THSD7A: variants seen among roughly 807,000 people sequenced by gnomAD.
THSD7A encodes the protein thrombospondin type 1 domain containing 7A.
Under a neutral mutation model 231.3 loss-of-function variants are expected in THSD7A, and 96 were observed. The observed-to-expected ratio is 0.41, with a 90% CI of 0.35 to 0.49. The LOEUF is 0.49. Ranked by LOEUF, THSD7A falls within the 20% of genes least tolerant of loss-of-function variation. THSD7A has a pLI of 0.05. For missense variants in THSD7A, 2,290 were observed against 2,070.2 expected (o/e 1.11, Z -2.06); for synonymous variants, 940 against 743.3 (o/e 1.26, Z -4.30).
At chr7:11,728,191 A>G (rs896001473) in intron 1 of THSD7A, among the ~76,000 whole-genome samples, 3 of 151,990 alleles carry the variant, frequency 2.0e-5, no homozygotes, top group Admixed American at 2.0e-4. Flanking sequence ...TATCTAGAAA[A>G]TAAGAACTAC....
intron 24 of THSD7A, 49 bp downstream of exon 24, chr7:11,382,472 G>A (rs1376244117): frequency 1.4e-6 from 2 of 1,396,488 alleles, no homozygotes; most frequent in Non-Finnish European, 2.0e-6. Context: ...CCAATCACAT[G>A]TGTGTTACAG....
chr7:11,796,199 GC>G (rs1194969690), intron 1 of THSD7A, among the ~76,000 whole-genome samples: 4 of 150,016 alleles, frequency 2.7e-5, no homozygotes, highest in Non-Finnish European at 4.4e-5. Context: ...TGTGTATATT[GC>G]TTTAATATAT....
intron 6 of THSD7A, among the ~76,000 whole-genome samples, chr7:11,539,588 T>G (rs1266012169): frequency 6.6e-6 from 1 of 152,202 alleles, no homozygotes; most frequent in Non-Finnish European, 1.5e-5. Context: ...CTCTGCTTGT[T>G]TTTTAGTGTT....
At chr7:11,530,091 C>T (rs556504133) in intron 6 of THSD7A, among the ~76,000 whole-genome samples, 6 of 152,124 alleles carry the variant, frequency 3.9e-5, no homozygotes, top group Admixed American at 6.6e-5. Flanking sequence ...CTGCAATGAC[C>T]GGTCTCCAGA....
chr7:11,610,128 T>C (rs1780872912), intron 2 of THSD7A, among the ~76,000 whole-genome samples: 1 of 152,154 alleles, frequency 6.6e-6, no homozygotes, highest in Middle Eastern at 3.2e-3. Flanking sequence ...TTAATAACTT[T>C]TTTAGTAGTA....
At chr7:11,780,819 G>T (rs1031982564) in intron 1 of THSD7A, among the ~76,000 whole-genome samples, 1 of 151,464 alleles carries the variant, frequency 6.6e-6, no homozygotes, top group Admixed American at 6.6e-5. Flanking sequence ...GTGAAACCCC[G>T]TCTCTACTAA....
chr7:11,696,600 C>T (rs1338680800), intron 1 of THSD7A, among the ~76,000 whole-genome samples: 4 of 151,128 alleles, frequency 2.6e-5, no homozygotes, highest in African/African-American at 9.7e-5. Flanking sequence ...CCCCTCCCCC[C>T]GACAGGCCCC....
chr7:11,600,992 C>T (rs1390875781), intron 2 of THSD7A, among the ~76,000 whole-genome samples: 1 of 152,144 alleles, frequency 6.6e-6, no homozygotes, highest in African/African-American at 2.4e-5. Context: ...TACTCAGTGT[C>T]ATGTATTGAT....
At chr7:11,426,420 T>C (rs538402588) in intron 15 of THSD7A, among the ~76,000 whole-genome samples, 33 of 152,258 alleles carry the variant, frequency 2.2e-4, no homozygotes, top group African/African-American at 7.5e-4. Flanking sequence ...AAACTTGTTC[T>C]CCCCAACTCT....
intron 23 of THSD7A, among the ~76,000 whole-genome samples, chr7:11,400,380 A>G (rs1167372219): frequency 3.3e-5 from 5 of 152,154 alleles, no homozygotes; most frequent in Non-Finnish European, 7.4e-5. Context: ...CCTTCTGTAG[A>G]AGCGTTTAAA....
At chr7:11,736,672 A>C (rs961125938) in intron 1 of THSD7A, among the ~76,000 whole-genome samples, 1 of 152,026 alleles carries the variant, frequency 6.6e-6, no homozygotes, top group Non-Finnish European at 1.5e-5. Flanking sequence ...ATAAAGGGCT[A>C]AGCATACCCT....
chr7:11,767,608 T>C (rs1783068825), intron 1 of THSD7A, among the ~76,000 whole-genome samples: 1 of 152,212 alleles, frequency 6.6e-6, no homozygotes. Context: ...TTATATAGTA[T>C]TTTCATTTTA....
chr7:11,536,959 A>G (rs1212010449), intron 6 of THSD7A, among the ~76,000 whole-genome samples: 2 of 152,156 alleles, frequency 1.3e-5, no homozygotes, highest in Admixed American at 6.5e-5. Flanking sequence ...CAGTTTATAT[A>G]TTGCATACAA....
At chr7:11,800,612 G>C (rs1227247618) in intron 1 of THSD7A, among the ~76,000 whole-genome samples, 1 of 152,152 alleles carries the variant, frequency 6.6e-6, no homozygotes, top group Non-Finnish European at 1.5e-5. Flanking sequence ...ATTATGCTAA[G>C]TGAAATAAGC....
intron 1 of THSD7A, among the ~76,000 whole-genome samples, chr7:11,696,687 C>T (rs1195952859): frequency 1.3e-5 from 2 of 151,072 alleles, no homozygotes; most frequent in Non-Finnish European, 3.0e-5. Context: ...TTACAAGGGA[C>T]ATAAAACATG....
intron 9 of THSD7A, among the ~76,000 whole-genome samples, chr7:11,464,336 T>C (rs1417141470): frequency 2.0e-5 from 3 of 152,044 alleles, no homozygotes; most frequent in African/African-American, 7.2e-5. Flanking sequence ...AATCTGCAGA[T>C]AGAGGACAGA....
intron 7 of THSD7A, among the ~76,000 whole-genome samples, chr7:11,480,081 GAATT>G (rs1583821365): frequency 6.6e-6 from 1 of 152,132 alleles, no homozygotes; most frequent in East Asian, 1.9e-4. Flanking sequence ...ATATTGTTTT[GAATT>G]AATGCCCTTA....
At chr7:11,724,276 T>A (rs1239889652) in intron 1 of THSD7A, among the ~76,000 whole-genome samples, 1 of 151,928 alleles carries the variant, frequency 6.6e-6, no homozygotes, top group Non-Finnish European at 1.5e-5. Context: ...ACTATATCAA[T>A]TTCTAGTATA....
At chr7:11,402,577 G>C (rs985616716) in intron 22 of THSD7A, among the ~76,000 whole-genome samples, 3 of 152,114 alleles carry the variant, frequency 2.0e-5, no homozygotes, top group Non-Finnish European at 4.4e-5. Context: ...TAACAAACAT[G>C]TAAAATGATC....
Sources: gnomAD v4.1 joint callset for allele counts (sites outside exome capture counted in the v4.1 genomes callset) on GRCh38, gnomAD v4.1.1 for gene constraint, MANE v1.5 for transcripts, NCBI Gene and HGNC (gene_info 2026-07-23, HGNC 2026-07-21) for gene names.